PALM2AKAP2: variants seen among roughly 807,000 people sequenced by gnomAD.
PALM2AKAP2 encodes PALM2-AKAP2 fusion protein.
In PALM2AKAP2, 37 loss-of-function variants were observed where a neutral mutation model predicts 71.5. The observed-to-expected ratio is 0.52, with a 90% CI of 0.40 to 0.68. The LOEUF is 0.68. Ranked by LOEUF, PALM2AKAP2 falls within the 30% of genes least tolerant of loss-of-function variation. The pLI, the probability that PALM2AKAP2 is intolerant of heterozygous loss-of-function variation, is 0.00. For missense variants in PALM2AKAP2, 1,224 were observed against 1,191.8 expected (o/e 1.03, Z -0.40); for synonymous variants, 468 against 478.8 (o/e 0.98, Z 0.29).
At chr9:110,144,798 G>A (rs1836123048) in intron 2 of PALM2AKAP2, among the ~76,000 whole-genome samples, 1 of 152,134 alleles carries the variant, frequency 6.6e-6, no homozygotes, top group Non-Finnish European at 1.5e-5. Flanking sequence ...TCTTTTCAGA[G>A]TTTTTTGGAT....
intron 3 of PALM2AKAP2, among the ~76,000 whole-genome samples, chr9:109,907,489 G>T (rs889601487): frequency 2.6e-5 from 4 of 152,188 alleles, no homozygotes; most frequent in Non-Finnish European, 5.9e-5. Flanking sequence ...CTCTCTGCCA[G>T]ATGCCTTGAT....
At chr9:110,005,854 C>T (rs961145050) in intron 6 of PALM2AKAP2, among the ~76,000 whole-genome samples, 2 of 152,170 alleles carry the variant, frequency 1.3e-5, no homozygotes, top group Non-Finnish European at 2.9e-5. Flanking sequence ...CCTGGTGTGC[C>T]GTTTGCTAAG....
chr9:109,797,679 AT>A (rs1827303365), intron 1 of PALM2AKAP2, among the ~76,000 whole-genome samples: 1 of 152,196 alleles, frequency 6.6e-6, no homozygotes, highest in African/African-American at 2.4e-5. Context: ...GGGCAGGGGC[AT>A]GTGTGGGAAG....
intron 3 of PALM2AKAP2, among the ~76,000 whole-genome samples, chr9:109,909,863 C>T (rs565551707): frequency 1.3e-5 from 2 of 152,214 alleles, no homozygotes; most frequent in African/African-American, 4.8e-5. Flanking sequence ...ATCTTCATTT[C>T]TGCAGGTAAA....
At chr9:109,810,372 T>C (rs187396403) in intron 1 of PALM2AKAP2, among the ~76,000 whole-genome samples, 16 of 152,206 alleles carry the variant, frequency 1.1e-4, no homozygotes, top group South Asian at 4.1e-4. Context: ...GCCAGTGAAT[T>C]AGGAGAGGAC....
chr9:109,972,508 G>A (rs943632226), intron 6 of PALM2AKAP2, among the ~76,000 whole-genome samples: 1 of 152,196 alleles, frequency 6.6e-6, no homozygotes, highest in East Asian at 1.9e-4. Flanking sequence ...GAGGTCTGGT[G>A]CATCTGGCTT....
At chr9:110,045,578 C>A (rs989993782), upstream of PALM2AKAP2, among the ~76,000 whole-genome samples, 2 of 150,954 alleles carry the variant, frequency 1.3e-5, no homozygotes, top group African/African-American at 4.9e-5. Flanking sequence ...TTTTCTTTCT[C>A]TTTTTTTTTG....
chr9:110,080,613 C>T (rs1200971909), intron 1 of PALM2AKAP2, among the ~76,000 whole-genome samples: 3 of 152,152 alleles, frequency 2.0e-5, no homozygotes, highest in Admixed American at 2.0e-4. Flanking sequence ...ATTCTTCTGT[C>T]TATAAAAGCT....
chr9:110,024,411 T>G (rs1833135084), intron 7 of PALM2AKAP2, among the ~76,000 whole-genome samples: 1 of 152,192 alleles, frequency 6.6e-6, no homozygotes, highest in South Asian at 2.1e-4. Context: ...GATGATTTTT[T>G]TTTTTTGAGG....
At chr9:109,736,193 T>C (rs1828632285) in intron 1 of PALM2AKAP2, among the ~76,000 whole-genome samples, 1 of 152,166 alleles carries the variant, frequency 6.6e-6, no homozygotes, top group South Asian at 2.1e-4. Flanking sequence ...GGAAAATAGG[T>C]CCCGGGGAAC....
At chr9:109,904,934 G>A (rs1241875572) in intron 3 of PALM2AKAP2, among the ~76,000 whole-genome samples, 1 of 152,114 alleles carries the variant, frequency 6.6e-6, no homozygotes, top group Non-Finnish European at 1.5e-5. Flanking sequence ...GCTGTAAAAG[G>A]GCTTTTAAAA....
intron 1 of PALM2AKAP2, among the ~76,000 whole-genome samples, chr9:109,815,431 T>C (rs186595185): frequency 8.1e-4 from 123 of 152,224 alleles, no homozygotes; most frequent in African/African-American, 2.6e-3. Flanking sequence ...TAGCCATGGA[T>C]GTGAATGAGG....
At chr9:109,824,886 G>A (rs1013784911) in intron 1 of PALM2AKAP2, among the ~76,000 whole-genome samples, 5 of 152,156 alleles carry the variant, frequency 3.3e-5, no homozygotes, top group Non-Finnish European at 7.3e-5. Flanking sequence ...TGCTGTTAAC[G>A]ATGTCATGTT....
intron 3 of PALM2AKAP2, among the ~76,000 whole-genome samples, chr9:109,900,278 C>T (rs1474348938): frequency 1.3e-5 from 2 of 152,200 alleles, no homozygotes; most frequent in East Asian, 1.9e-4. Flanking sequence ...TTCTTGCTAA[C>T]AATTCTTGCT....
At chr9:109,794,324 A>G (rs1317725072) in intron 1 of PALM2AKAP2, among the ~76,000 whole-genome samples, 1 of 152,010 alleles carries the variant, frequency 6.6e-6, no homozygotes, top group Non-Finnish European at 1.5e-5. Flanking sequence ...CATCTGAAAT[A>G]AGTCCATACA....
chr9:109,694,670 A>G, intron 1 of PALM2AKAP2, among the ~76,000 whole-genome samples: 1 of 152,082 alleles, frequency 6.6e-6, no homozygotes, highest in East Asian at 1.9e-4. Flanking sequence ...ATAAATACTA[A>G]AGGTTTCTCT....
intron 1 of PALM2AKAP2, among the ~76,000 whole-genome samples, chr9:109,720,982 C>T (rs1277480042): frequency 2.6e-5 from 4 of 152,224 alleles, no homozygotes; most frequent in Non-Finnish European, 5.9e-5. Context: ...TTAGAGCTTG[C>T]TCTCCAAGAG....
At chr9:109,738,726 T>C (rs1828674738) in intron 1 of PALM2AKAP2, among the ~76,000 whole-genome samples, 1 of 152,332 alleles carries the variant, frequency 6.6e-6, no homozygotes, top group African/African-American at 2.4e-5. Context: ...TCAGACTCTT[T>C]ACACCATGCC....
intron 7 of PALM2AKAP2, among the ~76,000 whole-genome samples, chr9:110,041,336 T>C (rs1331229133): frequency 6.6e-6 from 1 of 152,074 alleles, no homozygotes; most frequent in African/African-American, 2.4e-5. Context: ...CATTTACATG[T>C]ATATTACAAT....
Sources: gnomAD v4.1 joint callset for allele counts (sites outside exome capture counted in the v4.1 genomes callset) on GRCh38, gnomAD v4.1.1 for gene constraint, MANE v1.5 for transcripts, NCBI Gene and HGNC (gene_info 2026-07-23, HGNC 2026-07-21) for gene names.